Variants in TJP1 observed in about 807,000 individuals in gnomAD.
TJP1 encodes the protein tight junction protein 1.
Under a neutral mutation model 194.2 loss-of-function variants are expected in TJP1, and 43 were observed. That is an observed-to-expected ratio of 0.22 (90% confidence interval 0.17 to 0.29). The LOEUF is 0.29. Ranked by LOEUF, TJP1 falls within the 10% of genes least tolerant of loss-of-function variation. TJP1 has a pLI of 1.00. For synonymous variants in TJP1, 801 were observed against 779.0 expected (o/e 1.03, Z -0.47); for missense variants, 1,971 against 2,185.7 (o/e 0.90, Z 1.96).
At chr15:29,724,380 C>A (rs2043120386) in intron 18 of TJP1, among the ~76,000 whole-genome samples, 1 of 152,232 alleles carries the variant, frequency 6.6e-6, no homozygotes, top group Non-Finnish European at 1.5e-5. Flanking sequence ...TTCTTGCTAT[C>A]TACTCTAATC....
At chr15:29,850,409 C>A (rs1046194302) in intron 2 of TJP1, among the ~76,000 whole-genome samples, 3 of 152,112 alleles carry the variant, frequency 2.0e-5, no homozygotes, top group African/African-American at 4.8e-5. Context: ...CGGCTCACTG[C>A]AAGCTCCGCC....
At chr15:29,739,907 T>C (rs569051361) in intron 10 of TJP1, among the ~76,000 whole-genome samples, 70 of 152,350 alleles carry the variant, frequency 4.6e-4, no homozygotes, top group East Asian at 1.5e-3. Flanking sequence ...AGTTTTAAAC[T>C]TGTAAAAACC....
intron 2 of TJP1, among the ~76,000 whole-genome samples, chr15:29,941,635 T>A (rs914342020): frequency 1.3e-5 from 2 of 152,116 alleles, no homozygotes; most frequent in African/African-American, 4.8e-5. Flanking sequence ...TCCTTCCAGA[T>A]CCAGTTTCCC....
chr15:29,929,955 C>T (rs2054652973), intron 2 of TJP1, among the ~76,000 whole-genome samples: 2 of 152,030 alleles, frequency 1.3e-5, no homozygotes, highest in South Asian at 2.1e-4. Flanking sequence ...CTATGAACAA[C>T]TTTATGCAAT....
rs919254301 is a variant in TJP1, at chr15:29,760,829, G to A, written c.1010+310C>T. ...GACAAACTGCAGCTGCGGATCAACC[G>A]CTTTTGTAAATAAAGTTTTATGGGA... On this transcript the variant is annotated intron_variant, in intron 8 of 27. Transcript: ENST00000614355. Among the ~76,000 whole-genome samples, 5 of 152,140 alleles carry A rather than the reference G, an allele frequency of 3.3e-5. No homozygotes were observed. The East Asian group carries it at 5.8e-4, about 18-fold the overall frequency.
intron 2 of TJP1, among the ~76,000 whole-genome samples, chr15:29,946,221 TA>T (rs777961211): frequency 5.3e-5 from 8 of 152,228 alleles, no homozygotes; most frequent in Non-Finnish European, 1.2e-4. Flanking sequence ...GAAAGCTTTT[TA>T]CTACAGTGGA....
upstream of TJP1, among the ~76,000 whole-genome samples, chr15:29,826,890 T>C (rs1042988922): frequency 6.6e-6 from 1 of 152,078 alleles, no homozygotes; most frequent in African/African-American, 2.4e-5. Flanking sequence ...TGAAGGTCAA[T>C]GGGAAAATGA....
intron 23 of TJP1, among the ~76,000 whole-genome samples, chr15:29,714,599 G>A (rs1485308005): frequency 1.5e-5 from 2 of 132,868 alleles, no homozygotes; most frequent in African/African-American, 5.8e-5. Context: ...GGAGTCCAGT[G>A]GCACGATCTC....
intron 2 of TJP1, among the ~76,000 whole-genome samples, chr15:29,954,135 A>G (rs2152311748): frequency 6.6e-6 from 1 of 152,318 alleles, no homozygotes; most frequent in East Asian, 1.9e-4. Context: ...TGGAGTGTGT[A>G]CTAACTTCAA....
At chr15:29,864,115 C>T (rs538313900) in intron 2 of TJP1, among the ~76,000 whole-genome samples, 157 of 151,798 alleles carry the variant, frequency 1.0e-3, no homozygotes, top group Non-Finnish European at 2.0e-3. Flanking sequence ...TGTACCCGGC[C>T]GGGCGCGGTG....
At chr15:29,868,085 C>T (rs958575642) in intron 2 of TJP1, among the ~76,000 whole-genome samples, 1 of 146,966 alleles carries the variant, frequency 6.8e-6, no homozygotes, top group Middle Eastern at 3.3e-3. Flanking sequence ...ATCAGCTGGG[C>T]GTGGTAGTAT....
At chr15:29,786,943 C>A (rs1397469417) in intron 2 of TJP1, among the ~76,000 whole-genome samples, 1 of 152,134 alleles carries the variant, frequency 6.6e-6, no homozygotes, top group Non-Finnish European at 1.5e-5. Flanking sequence ...ATGGTTAACA[C>A]CTACTTCACA....
At chr15:29,885,008 G>A (rs926414950) in intron 2 of TJP1, among the ~76,000 whole-genome samples, 6 of 152,288 alleles carry the variant, frequency 3.9e-5, no homozygotes, top group Middle Eastern at 3.4e-3. Context: ...TCCTGGGGCT[G>A]CAGCCTTCAA....
Position 29,742,678 on chromosome 15 carries a change from C to T in TJP1, c.1114G>A (p.Val372Ile). The part of the protein sequence containing the change: ...HTPKTVEEVT[V>I]ERNEKQTPSL... ...GGTGTTTGTTTCTCATTTCTTTCAA[C>T]TGTAACTTCTTCCACTGTTTTAGGT... Residue 372 changes from valine (V) to isoleucine (I), a missense_variant, in exon 9 of 28, where the codon GTT becomes ATT. Physicochemically the swap from Val to Ile is conservative, Grantham distance 29. Transcript: ENST00000614355. The T allele has an allele frequency of 6.3e-7, 1 of 1,589,682 alleles. No individual in the cohort carries two copies. Among genetic ancestry groups the T allele is most frequent in the Non-Finnish European group, 8.6e-7 (1 of 1,169,470 alleles).
At chr15:29,968,755 A>G in exon 1 of TJP1, 1 of 1,229,872 alleles carries the variant, frequency 8.1e-7, no homozygotes, top group Non-Finnish European at 1.0e-6. Context: ...TATTTCTGGT[A>G]CTTCATCTTG....
intron 1 of TJP1, among the ~76,000 whole-genome samples, chr15:29,958,832 G>C (rs568599313): frequency 6.6e-6 from 1 of 152,152 alleles, no homozygotes; most frequent in East Asian, 1.9e-4. Flanking sequence ...TAGTGTTCAG[G>C]TTTCCTGGCT....
At chr15:29,949,621 C>CTCCACCTCCACA (rs2055531497) in intron 2 of TJP1, among the ~76,000 whole-genome samples, 5 of 135,422 alleles carry the variant, frequency 3.7e-5, no homozygotes, top group African/African-American at 1.1e-4. Flanking sequence ...TCACCACCAC[C>CTCCACCTCCACA]ACCTCCACCT....
In TJP1 at chr15:29,710,928, A is replaced by C. The variant is rs1157224466; in HGVS notation, c.4275T>G (p.Thr1425=). Residue 1425 remains threonine, a synonymous_variant, in exon 24 of 28, where the codon ACT becomes ACG. Coordinates refer to ENST00000614355, the MANE Select transcript of TJP1 (RefSeq NM_001330239.4). The part of the protein sequence containing the change: ...GEKRYEPIQA[T]PPPPPLPSQY... ...GCGAGGGCAATGGAGGAGGAGGGGG[A>C]GTGGCCTGGATGGGTTCATAGCGTT... 3.1e-6 allele frequency: 5 copies of C among 1,613,980 alleles called. No homozygotes were observed. The highest frequency in any genetic ancestry group is 3.3e-5 in the Admixed American group (2 of 59,982).
chr15:29,887,680 C>G (rs2053165903), intron 2 of TJP1, among the ~76,000 whole-genome samples: 1 of 152,104 alleles, frequency 6.6e-6, no homozygotes, highest in South Asian at 2.1e-4. Context: ...CTAAAAAGAA[C>G]AGAGTAACAT....
Sources: allele counts gnomAD v4.1 joint callset (sites outside exome capture counted in the v4.1 genomes callset), GRCh38; gene constraint gnomAD v4.1.1; transcripts MANE v1.5; gene names NCBI Gene and HGNC (gene_info 2026-07-23, HGNC 2026-07-21).